FAF1: variants seen among roughly 807,000 people sequenced by gnomAD.
FAF1 encodes Fas associated factor 1.
In FAF1, 25 loss-of-function variants were observed where a neutral mutation model predicts 92.5. The observed-to-expected ratio is 0.27, with a 90% CI of 0.20 to 0.38. FAF1 has a LOEUF of 0.38. Ranked by LOEUF, FAF1 falls within the 10% of genes least tolerant of loss-of-function variation. FAF1 has a pLI of 1.00. For synonymous variants in FAF1, 234 were observed against 273.2 expected (o/e 0.86, Z 1.42); for missense variants, 636 against 793.3 (o/e 0.80, Z 2.38).
chr1:50,786,553 G>A (rs1343007101), intron 4 of FAF1, among the ~76,000 whole-genome samples: 15 of 152,124 alleles, frequency 9.9e-5, no homozygotes, highest in Admixed American at 9.8e-4. Context: ...GAAATATATT[G>A]ACAGGCTAAA....
At chr1:50,894,333 C>T (rs1426483668) in intron 1 of FAF1, among the ~76,000 whole-genome samples, 2 of 146,306 alleles carry the variant, frequency 1.4e-5, no homozygotes, top group Non-Finnish European at 3.0e-5. Flanking sequence ...AAAAAAAACT[C>T]CAAGGGCTCT....
chr1:50,858,453 G>GCCGCT (rs1355286421), intron 1 of FAF1, among the ~76,000 whole-genome samples: 2 of 151,742 alleles, frequency 1.3e-5, no homozygotes, highest in African/African-American at 4.8e-5. Context: ...GCCACTACCA[G>GCCGCT]CCGCTCTCTG....
At chr1:50,527,868 C>CTCTCTCTCTCTCTCTCT (rs1491383904) in intron 15 of FAF1, among the ~76,000 whole-genome samples, 1 of 57,188 alleles carries the variant, frequency 1.7e-5, no homozygotes, top group Non-Finnish European at 3.2e-5. Context: ...TCCCTCTCTC[C>CTCTCTCTCTCTCTCTCT]CTCTCTCTCT....
chr1:50,575,783 T>C (rs1191328614), intron 12 of FAF1, among the ~76,000 whole-genome samples: 1 of 152,192 alleles, frequency 6.6e-6, no homozygotes, highest in Non-Finnish European at 1.5e-5. Flanking sequence ...ACAAAGAAGT[T>C]TGTTTGCCTG....
At chr1:50,790,676 T>C (rs1661531257) in intron 3 of FAF1, among the ~76,000 whole-genome samples, 1 of 152,062 alleles carries the variant, frequency 6.6e-6, no homozygotes, top group Admixed American at 6.6e-5. Context: ...CAGTATTGTA[T>C]GTATCTTCCA....
intron 18 of FAF1, among the ~76,000 whole-genome samples, chr1:50,453,546 T>G (rs1054709617): frequency 1.3e-5 from 2 of 152,208 alleles, no homozygotes; most frequent in African/African-American, 2.4e-5. Flanking sequence ...TTACCAAGGC[T>G]CTCTCTGAGC....
intron 6 of FAF1, among the ~76,000 whole-genome samples, chr1:50,718,392 C>T (rs1452119788): frequency 6.6e-6 from 1 of 152,192 alleles, no homozygotes; most frequent in Non-Finnish European, 1.5e-5. Flanking sequence ...GAGCAAATAA[C>T]ATTATATGTC....
chr1:50,623,481 A>G (rs1653309699), intron 8 of FAF1, among the ~76,000 whole-genome samples: 1 of 151,828 alleles, frequency 6.6e-6, no homozygotes, highest in South Asian at 2.1e-4. Flanking sequence ...AGGCAGGAGA[A>G]TTGCTTGAAC....
intron 2 of FAF1, among the ~76,000 whole-genome samples, chr1:50,821,601 G>C (rs2124620479): frequency 6.6e-6 from 1 of 152,232 alleles, no homozygotes; most frequent in East Asian, 1.9e-4. Context: ...CACTTACTAG[G>C]AGCATAATTT....
At chr1:50,660,558 T>A (rs1266275035) in intron 7 of FAF1, among the ~76,000 whole-genome samples, 1 of 151,480 alleles carries the variant, frequency 6.6e-6, no homozygotes, top group African/African-American at 2.4e-5. Flanking sequence ...GTGCAGTAGG[T>A]TCTCGGCTTA....
intron 17 of FAF1, among the ~76,000 whole-genome samples, chr1:50,482,139 A>C (rs538267156): frequency 6.6e-5 from 10 of 152,238 alleles, no homozygotes; most frequent in African/African-American, 2.2e-4. Context: ...CCCCGTTCAA[A>C]TTTCTTCATC....
intron 1 of FAF1, among the ~76,000 whole-genome samples, chr1:50,898,099 G>C (rs1243982806): frequency 1.3e-5 from 2 of 152,150 alleles, no homozygotes; most frequent in Non-Finnish European, 2.9e-5. Flanking sequence ...TTGCTACACA[G>C]CAACAGCATT....
At chr1:50,487,281 C>A (rs920342076) in intron 17 of FAF1, among the ~76,000 whole-genome samples, 1 of 152,102 alleles carries the variant, frequency 6.6e-6, no homozygotes, top group African/African-American at 2.4e-5. Context: ...TCATATTTTC[C>A]TTTGTTTTGG....
intron 1 of FAF1, among the ~76,000 whole-genome samples, chr1:50,939,107 T>C (rs1265311882): frequency 6.6e-6 from 1 of 152,228 alleles, no homozygotes; most frequent in East Asian, 1.9e-4. Context: ...TTAAAAATAA[T>C]CTTGGTAGTT....
intron 18 of FAF1, among the ~76,000 whole-genome samples, chr1:50,475,196 G>T (rs1646623751): frequency 6.6e-6 from 1 of 152,206 alleles, no homozygotes; most frequent in Non-Finnish European, 1.5e-5. Flanking sequence ...CATCAGCAAA[G>T]ACTGGAATGC....
chr1:50,453,913 G>C (rs966130790), intron 18 of FAF1, among the ~76,000 whole-genome samples: 3 of 152,174 alleles, frequency 2.0e-5, no homozygotes, highest in African/African-American at 7.2e-5. Context: ...TTGGGGAACT[G>C]CAAACCTGCC....
rs139986095 is a variant in FAF1 at position 50,821,409 on chromosome 1, T to C, written c.115-19732A>G. Among the ~76,000 whole-genome samples, 289 of 152,328 alleles carry C rather than the reference T, an allele frequency of 1.9e-3. 13 individuals are homozygous for C. The East Asian group carries it at 0.043, about 23-fold the overall frequency. ...AGAAAAATTCAGATAGTTTTTAGCA[T>C]ACATATTAAAGGAACATAAAAAAAC... On this transcript the variant is annotated intron_variant, in intron 2 of 18. Transcript: ENST00000396153.
Position 50,703,404 on chromosome 1 carries a change from C to A in FAF1, c.657+2382G>T, listed in dbSNP as rs547985686. On this transcript the variant is annotated intron_variant, in intron 7 of 18. Transcript: ENST00000396153. ...TACCCCCTCCATCACAGGTGTTGCACAAGTTGAAGCAGAAAAGTCACAGAA... is the reference window on the plus strand; with the variant it reads ...TACCCCCTCCATCACAGGTGTTGCAAAAGTTGAAGCAGAAAAGTCACAGAA... 3.3e-5 allele frequency among the ~76,000 whole-genome samples: 5 copies of A among 152,172 alleles called. No individual in the cohort carries two copies. The East Asian group carries it at 9.7e-4, about 29-fold the overall frequency.
chr1:50,481,913 G>A (rs1646708509), intron 17 of FAF1, among the ~76,000 whole-genome samples: 1 of 152,038 alleles, frequency 6.6e-6, no homozygotes, highest in African/African-American at 2.4e-5. Context: ...GAGAGGGGTA[G>A]GAGTTAAAGT....
Sources: gnomAD v4.1 joint callset for allele counts (sites outside exome capture counted in the v4.1 genomes callset) on GRCh38, gnomAD v4.1.1 for gene constraint, MANE v1.5 for transcripts, NCBI Gene and HGNC (gene_info 2026-07-23, HGNC 2026-07-21) for gene names.